EMX1: variants seen among roughly 807,000 people sequenced by gnomAD.
EMX1 encodes the protein homeobox protein EMX1.
In EMX1, 10 loss-of-function variants were observed where a neutral mutation model predicts 20.1. That is an observed-to-expected ratio of 0.50 (90% confidence interval 0.31 to 0.84). EMX1 has a LOEUF of 0.84. Ranked by LOEUF, EMX1 falls within the 40% of genes least tolerant of loss-of-function variation. EMX1 has a pLI of 0.05. For missense variants in EMX1, 424 were observed against 431.9 expected (o/e 0.98, Z 0.16); for synonymous variants, 250 against 200.4 (o/e 1.25, Z -2.09).
chr2:72,925,877 T>C (rs759934982), intron 2 of EMX1: 4 of 985,398 alleles, frequency 4.1e-6, no homozygotes, highest in Non-Finnish European at 3.6e-6. Flanking sequence ...ACCCGTGCGT[T>C]TTCAGATGTA....
In EMX1 at chr2:72,918,293, C is replaced by A; in HGVS notation, c.441C>A (p.Phe147Leu). 1.3e-6 allele frequency: 2 copies of A among 1,574,960 alleles called. No individual in the cohort carries two copies. Among genetic ancestry groups the A allele is most frequent in the Non-Finnish European group, 1.7e-6 (2 of 1,171,348 alleles). ...CCCCGCTGCAGCCCCCGCACTCCTTCTTCGGCGCCCAGCACCGGGACCCTC... is the reference window on the plus strand; with the variant it reads ...CCCCGCTGCAGCCCCCGCACTCCTTATTCGGCGCCCAGCACCGGGACCCTC... Reference protein sequence around the residue: ...GASPLQPPHSFFGAQHRDPLH... With the variant: ...GASPLQPPHSLFGAQHRDPLH... The change falls in exon 1 of 3, where the codon TTC (phenylalanine) becomes TTA (leucine). Residue 147 changes from phenylalanine (F) to leucine (L), a missense_variant. Transcript: ENST00000258106.
At position 72,930,374 on chromosome 2, in the gene EMX1, G is replaced by C. The variant is rs1380917862; in HGVS notation, c.706-3413G>C. Reference sequence around the variant, plus strand: ...GGGCAGGACCATTAAGGAACATCAGGACAGGGTCTTGAAGGCTAAGGAGAG... The same window carrying C: ...GGGCAGGACCATTAAGGAACATCAGCACAGGGTCTTGAAGGCTAAGGAGAG... On this transcript the variant is annotated intron_variant, in intron 2 of 2. Coordinates refer to ENST00000258106, the MANE Select transcript of EMX1 (RefSeq NM_004097.3). The surrounding 1 kb of genome is among the most constrained non-coding windows in gnomAD (Gnocchi z 4.4). Among the ~76,000 whole-genome samples the C allele has an allele frequency of 6.6e-6, 1 of 152,220 alleles. No individual in the cohort carries two copies. Among genetic ancestry groups the C allele is most frequent in the African/African-American group, 2.4e-5 (1 of 41,464 alleles).
intron 2 of EMX1, chr2:72,925,516 C>G (rs760922000): frequency 7.8e-7 from 1 of 1,288,682 alleles, no homozygotes; most frequent in African/African-American, 1.5e-5. Flanking sequence ...CTCTGCGTGC[C>G]GGCCGGCTCC....
At chr2:72,927,868 C>T (rs946098476) in intron 2 of EMX1, among the ~76,000 whole-genome samples, 9 of 152,222 alleles carry the variant, frequency 5.9e-5, no homozygotes, top group African/African-American at 2.2e-4. Flanking sequence ...ATCAGTCATT[C>T]CCCTTGCTCT....
At chr2:72,917,091 G>A (rs917735939), upstream of EMX1, 6 of 626,600 alleles carry the variant, frequency 9.6e-6, no homozygotes, top group African/African-American at 3.7e-5. Flanking sequence ...CGGAGAGCAG[G>A]GGGGCAGAGA....
intron 2 of EMX1, chr2:72,933,263 C>T (rs1218015132): frequency 6.6e-6 from 1 of 152,634 alleles, no homozygotes; most frequent in Non-Finnish European, 1.5e-5. Flanking sequence ...AAACCATGCC[C>T]ATTCTGCCTC....
At chr2:72,919,062 C>G (rs1452857697) in intron 1 of EMX1, among the ~76,000 whole-genome samples, 5 of 152,158 alleles carry the variant, frequency 3.3e-5, no homozygotes, top group Admixed American at 3.3e-4. Context: ...GCTGGAATAC[C>G]GAGGACAGTT....
At chr2:72,923,591 G>A (rs1478551859) in intron 1 of EMX1, 2 of 152,448 alleles carry the variant, frequency 1.3e-5, no homozygotes, top group Non-Finnish European at 2.9e-5. Context: ...TCCACTTCCA[G>A]GTGCTGCCTG....
At position 72,926,235 on chromosome 2, in the gene EMX1, C is replaced by A. The variant is rs1055257673; in HGVS notation, c.705+1742C>A. 2.0e-5 allele frequency: 20 copies of A among 985,418 alleles called. No homozygotes were observed. In the African/African-American group the frequency reaches 3.5e-4, roughly 17 times the overall value. 61.0% of individuals were successfully genotyped at this position (985,418 alleles called of 1,614,324 possible). A position where few individuals can be genotyped will look rare whatever the true frequency, so the allele number is the denominator to read the frequency against. ...TCAGTGAGAGCATTTTTAATTAACT[C>A]TCTTTCAAACTGAACCTAGCTGCCT... On this transcript the variant is annotated intron_variant, in intron 2 of 2. Transcript: ENST00000258106.
upstream of EMX1, chr2:72,917,433 G>A (rs1670984367): frequency 1.0e-5 from 2 of 200,536 alleles, no homozygotes; most frequent in Admixed American, 5.6e-5. Flanking sequence ...CTCCCCACCC[G>A]CCGTCCCTCG....
chr2:72,920,567 G>T (rs1423083001), intron 1 of EMX1, among the ~76,000 whole-genome samples: 1 of 152,214 alleles, frequency 6.6e-6, no homozygotes, highest in African/African-American at 2.4e-5. Context: ...CCGGCGCCGC[G>T]TTTTCTAGAG....
At chr2:72,916,391 C>T (rs760531001), upstream of EMX1, 71 of 465,892 alleles carry the variant, frequency 1.5e-4, no homozygotes, top group Admixed American at 3.9e-4. Context: ...CTCTGCGGCT[C>T]CCTCTCCGCA....
At chr2:72,916,645 T>G (rs185789133), upstream of EMX1, 169 of 706,964 alleles carry the variant, frequency 2.4e-4, no homozygotes, top group Non-Finnish European at 3.9e-4. Flanking sequence ...GAGGTCAGGC[T>G]GCTTCTGCGT....
intron 2 of EMX1, among the ~76,000 whole-genome samples, chr2:72,931,002 T>G (rs1573900517): frequency 1.3e-5 from 2 of 152,254 alleles, no homozygotes; most frequent in East Asian, 3.9e-4. Flanking sequence ...TGCTATGAAG[T>G]CATAAGCACT....
chr2:72,923,942 C>A, intron 1 of EMX1: 1 of 354,694 alleles, frequency 2.8e-6, no homozygotes. Flanking sequence ...GGAGAAAGAG[C>A]GCCATGGACT....
intron 2 of EMX1, among the ~76,000 whole-genome samples, chr2:72,925,091 T>C (rs915259916): frequency 2.0e-5 from 3 of 152,080 alleles, no homozygotes; most frequent in African/African-American, 7.2e-5. Context: ...GTTGCTCTGA[T>C]CCGGCCCAGG....
At position 72,933,926 on chromosome 2, in the gene EMX1, A is replaced by G. The variant is rs1481481107; in HGVS notation, c.845A>G (p.Glu282Gly). 3 of 1,614,246 alleles carry G rather than the reference A, an allele frequency of 1.9e-6. No individual in the cohort carries two copies. The Admixed American group carries it at 5.0e-5, about 27-fold the overall frequency. The change falls in exon 3 of 3, where the codon GAG becomes GGG. Residue 282 changes from glutamate (E) to glycine (G), a missense_variant. Around this residue, in one of 2 missense-constraint regions of EMX1, gnomAD observed 91 missense variants for 135.2 expected, o/e 0.67. Coordinates refer to ENST00000258106, the MANE Select transcript of EMX1 (RefSeq NM_004097.3). The part of the protein sequence containing the change: ...WRIATKQANG[E>G]DIDVTSND ...ATTGCCACGAAGCAGGCCAATGGGG[A>G]GGACATCGATGTCACCTCCAATGAC... is the stretch of plus-strand genomic sequence containing the variant.
At position 72,934,160 on chromosome 2, in the gene EMX1, C is replaced by T; in HGVS notation, c.*206C>T. 1.5e-6 allele frequency: 1 copy of T among 688,348 alleles called. No individual in the cohort carries two copies. Among genetic ancestry groups the T allele is most frequent in the Non-Finnish European group, 2.3e-6 (1 of 438,216 alleles). The allele number at this position is 688,348 out of a possible 1,614,324, so 42.6% of individuals were successfully genotyped here. A position where few individuals can be genotyped will look rare whatever the true frequency, so the allele number is the denominator to read the frequency against. On this transcript the variant is annotated 3_prime_UTR_variant, in exon 3 of 3. Coordinates refer to ENST00000258106, the MANE Select transcript of EMX1 (RefSeq NM_004097.3). ...GAGGCCTGGGACCACTTGGCCTTCTCCTCGGAGAGCCTGCCTGCCTGGGCG... is the reference window on the plus strand; with the variant it reads ...GAGGCCTGGGACCACTTGGCCTTCTTCTCGGAGAGCCTGCCTGCCTGGGCG...
rs1314607401 is a variant in EMX1, at chr2:72,930,898, T to C, written c.706-2889T>C. On this transcript the variant is annotated intron_variant, in intron 2 of 2. Transcript: ENST00000258106. The surrounding 1 kb of genome is among the most constrained non-coding windows in gnomAD (Gnocchi z 4.4). ...AACATCACCCACACTTTAGGTATATTTCCTTCTAGTCTTTTTTCCCCGTGT... is the reference window on the plus strand; with the variant it reads ...AACATCACCCACACTTTAGGTATATCTCCTTCTAGTCTTTTTTCCCCGTGT... Among the ~76,000 whole-genome samples the C allele has an allele frequency of 6.6e-6, 1 of 152,224 alleles. No individual in the cohort carries two copies. Among genetic ancestry groups the C allele is most frequent in the African/African-American group, 2.4e-5 (1 of 41,450 alleles).
Sources: allele counts gnomAD v4.1 joint callset (sites outside exome capture counted in the v4.1 genomes callset), GRCh38; gene constraint gnomAD v4.1.1; regional missense constraint gnomAD v4.1.1; non-coding constraint Gnocchi (gnomAD v3.1); transcripts MANE v1.5; gene names NCBI Gene and HGNC (gene_info 2026-07-23, HGNC 2026-07-21).